Variants in UBE2E2 observed in about 807,000 individuals in gnomAD.
The protein encoded by UBE2E2 is ubiquitin-conjugating enzyme E2 E2.
A neutral mutation model predicts 24.7 loss-of-function variants in UBE2E2; 6 were observed. That is an observed-to-expected ratio of 0.24 (90% CI 0.13 to 0.48). UBE2E2 has a LOEUF of 0.48. Ranked by LOEUF, UBE2E2 falls within the 20% of genes least tolerant of loss-of-function variation. UBE2E2 has a pLI of 0.99. For synonymous variants in UBE2E2, 104 were observed against 83.6 expected, an observed-to-expected ratio of 1.24 and a Z score of -1.33; for missense variants, 169 against 245.0, an observed-to-expected ratio of 0.69 and a Z score of 2.07.
chr3:23,480,645 AAG>A (rs376513405), intron 3 of UBE2E2, among the ~76,000 whole-genome samples: 25,546 of 149,664 alleles, frequency 0.17, 2,240 homozygotes, highest in East Asian at 0.22. Flanking sequence ...AAAAAAAAAA[AAG>A]AAGAGGATTC....
At chr3:23,571,280 C>CTCTTTTTTTTTTTTTTTTTTTTTTTT (rs1696217145) in intron 5 of UBE2E2, among the ~76,000 whole-genome samples, 4 of 29,882 alleles carry the variant, frequency 1.3e-4, no homozygotes, top group Admixed American at 6.8e-4. Context: ...GTGCTCCTTT[C>CTCTTTTTTTTTTTTTTTTTTTTTTTT]TTTTTTTTTT....
At chr3:23,355,667 T>A (rs539989711) in intron 3 of UBE2E2, among the ~76,000 whole-genome samples, 1 of 152,204 alleles carries the variant, frequency 6.6e-6, no homozygotes, top group African/African-American at 2.4e-5. Context: ...AGTTTATACC[T>A]ACTGTGCTGG....
chr3:23,517,479 A>G (rs763603425), intron 4 of UBE2E2, among the ~76,000 whole-genome samples: 11 of 152,144 alleles, frequency 7.2e-5, no homozygotes, highest in Admixed American at 2.0e-4. Context: ...CTCTCGATCA[A>G]TTGTCATTTT....
At chr3:23,218,856 A>G (rs1269546464) in intron 3 of UBE2E2, among the ~76,000 whole-genome samples, 3 of 152,180 alleles carry the variant, frequency 2.0e-5, no homozygotes, top group Non-Finnish European at 4.4e-5. Context: ...AGTTCTATTA[A>G]AAGTAAAAGA....
intron 3 of UBE2E2, among the ~76,000 whole-genome samples, chr3:23,301,043 A>G (rs554603931): frequency 2.6e-5 from 4 of 152,276 alleles, no homozygotes; most frequent in African/African-American, 7.2e-5. Flanking sequence ...TTAGTCTTCC[A>G]TCACTGATAC....
intron 4 of UBE2E2, among the ~76,000 whole-genome samples, chr3:23,512,838 A>G (rs1055496952): frequency 6.6e-6 from 1 of 152,142 alleles, no homozygotes; most frequent in Non-Finnish European, 1.5e-5. Flanking sequence ...CCAGCTACTC[A>G]GTAGGCCAAT....
chr3:23,305,162 A>G (rs1039265884), intron 3 of UBE2E2, among the ~76,000 whole-genome samples: 4 of 152,148 alleles, frequency 2.6e-5, no homozygotes, highest in African/African-American at 4.8e-5. Context: ...ATTTTTTCCC[A>G]TGGGAAAGTC....
rs1308696376 is a variant in UBE2E2, at chr3:23,578,255, G to C, written c.509-11479G>C. Among the ~76,000 whole-genome samples the C allele has an allele frequency of 3.3e-5, 5 of 152,252 alleles. 1 individual carries two copies. The South Asian group carries it at 6.2e-4, about 19-fold the overall frequency. On this transcript the variant is annotated intron_variant, in intron 5 of 5. Coordinates refer to ENST00000396703, the MANE Select transcript of UBE2E2 (RefSeq NM_152653.4). Reference sequence around the variant, plus strand: ...GATATCATCTCATGCCAGTCAGAATGTCTATTATTAACAAGTCAAAAAACA... The same window carrying C: ...GATATCATCTCATGCCAGTCAGAATCTCTATTATTAACAAGTCAAAAAACA...
chr3:23,227,479 A>T (rs570914304), intron 3 of UBE2E2, among the ~76,000 whole-genome samples: 1 of 152,336 alleles, frequency 6.6e-6, no homozygotes, highest in East Asian at 1.9e-4. Context: ...AGGAGTTATT[A>T]ACATGATAAA....
chr3:23,292,360 G>T (rs1215311001), intron 3 of UBE2E2, among the ~76,000 whole-genome samples: 1 of 152,118 alleles, frequency 6.6e-6, no homozygotes, highest in South Asian at 2.1e-4. Context: ...AGGTATATTC[G>T]TTATGTACCT....
At chr3:23,521,055 T>C (rs1230689530) in intron 4 of UBE2E2, among the ~76,000 whole-genome samples, 6 of 152,232 alleles carry the variant, frequency 3.9e-5, no homozygotes, top group African/African-American at 1.2e-4. Context: ...TGTATTGTGT[T>C]GTATATGAAC....
intron 3 of UBE2E2, among the ~76,000 whole-genome samples, chr3:23,311,439 A>C (rs1156543403): frequency 6.6e-6 from 1 of 152,208 alleles, no homozygotes; most frequent in African/African-American, 2.4e-5. Flanking sequence ...TCCTTGAGGA[A>C]CCACCACACT....
chr3:23,464,811 T>C (rs1698887184), intron 3 of UBE2E2, among the ~76,000 whole-genome samples: 1 of 152,212 alleles, frequency 6.6e-6, no homozygotes, highest in African/African-American at 2.4e-5. Flanking sequence ...TTCTTAGTGT[T>C]TGCATTGGGA....
chr3:23,443,504 A>G (rs1698351215), intron 3 of UBE2E2, among the ~76,000 whole-genome samples: 1 of 152,172 alleles, frequency 6.6e-6, no homozygotes. Flanking sequence ...AAGGAGGAAG[A>G]ATTTTTTCAT....
chr3:23,409,383 T>C (rs565991108), intron 3 of UBE2E2, among the ~76,000 whole-genome samples: 1 of 152,308 alleles, frequency 6.6e-6, no homozygotes, highest in African/African-American at 2.4e-5. Flanking sequence ...ATTAATATGA[T>C]GTACAAAGAA....
chr3:23,320,047 A>G (rs1404191691), intron 3 of UBE2E2, among the ~76,000 whole-genome samples: 1 of 152,110 alleles, frequency 6.6e-6, no homozygotes, highest in African/African-American at 2.4e-5. Context: ...TGCAGCCACC[A>G]TATGTGAAAG....
At chr3:23,458,428 T>G (rs1559389764) in intron 3 of UBE2E2, among the ~76,000 whole-genome samples, 2 of 147,990 alleles carry the variant, frequency 1.4e-5, no homozygotes, top group Admixed American at 6.7e-5. Context: ...GTGGTGGTGG[T>G]TGTTGTTGTT....
intron 3 of UBE2E2, among the ~76,000 whole-genome samples, chr3:23,230,293 G>C (rs1166402770): frequency 6.6e-6 from 1 of 152,176 alleles, no homozygotes; most frequent in Non-Finnish European, 1.5e-5. Flanking sequence ...AGCAGTGTCT[G>C]CAGCCCAGAG....
At chr3:23,383,470 C>A (rs1010413328) in intron 3 of UBE2E2, among the ~76,000 whole-genome samples, 10 of 124,824 alleles carry the variant, frequency 8.0e-5, no homozygotes, top group African/African-American at 2.2e-4. Context: ...GCATTTTATC[C>A]CCCTTTTTTT....
Sources: gnomAD v4.1 joint callset for allele counts (sites outside exome capture counted in the v4.1 genomes callset) on GRCh38, gnomAD v4.1.1 for gene constraint, MANE v1.5 for transcripts, NCBI Gene and HGNC (gene_info 2026-07-23, HGNC 2026-07-21) for gene names.